Variants in TMTC1 observed in about 807,000 individuals in gnomAD.
The protein encoded by TMTC1 is protein O-mannosyl-transferase TMTC1.
In TMTC1, 73 loss-of-function variants were observed where a neutral mutation model predicts 104.8. The ratio of observed to expected loss-of-function variants is 0.70; its 90% CI spans 0.58 to 0.85. TMTC1 has a LOEUF of 0.85. Ranked by LOEUF, TMTC1 falls within the 40% of genes least tolerant of loss-of-function variation. The pLI is 0.00. For synonymous variants in TMTC1, 434 were observed against 428.7 expected (o/e 1.01, Z -0.15); for missense variants, 1,035 against 1,096.1 (o/e 0.94, Z 0.79).
intron 5 of TMTC1, chr12:29,666,228 C>CTTTTTTTTTTTTT: frequency 1.4e-5 from 5 of 365,804 alleles, no homozygotes; most frequent in East Asian, 8.1e-5. Flanking sequence ...TTTCTTTTTT[C>CTTTTTTTTTTTTT]TTTTTTTTTT....
At chr12:29,752,514 G>A (rs139599310) in intron 4 of TMTC1, among the ~76,000 whole-genome samples, 1 of 152,250 alleles carries the variant, frequency 6.6e-6, no homozygotes, top group Non-Finnish European at 1.5e-5. Flanking sequence ...CCATGGCTAC[G>A]CCTGAAAGAA....
At chr12:29,549,252 A>G (rs299470) in intron 10 of TMTC1, among the ~76,000 whole-genome samples, 80,758 of 151,380 alleles carry the variant, frequency 0.53, 24,670 homozygotes, top group Non-Finnish European at 0.67. Flanking sequence ...GATAAGACTA[A>G]AAAATTGTGC....
At chr12:29,613,933 A>T in intron 6 of TMTC1, 2 of 981,508 alleles carry the variant, frequency 2.0e-6, no homozygotes, top group Non-Finnish European at 1.2e-6. Flanking sequence ...TCATCTATCC[A>T]CTTGGAATTG....
chr12:29,534,541 C>T (rs1944589933), intron 11 of TMTC1: 1 of 152,170 alleles, frequency 6.6e-6, no homozygotes, highest in Admixed American at 6.5e-5. Context: ...CACTGCAGTT[C>T]ACAAAAGATT....
chr12:29,534,855 A>G (rs10771547), intron 11 of TMTC1: 28,948 of 152,110 alleles, frequency 0.19, 3,132 homozygotes, highest in East Asian at 0.38. Flanking sequence ...TAAATACTAT[A>G]GGGAAAGTAA....
chr12:29,774,873 G>C (rs1048454071), intron 1 of TMTC1, among the ~76,000 whole-genome samples: 2 of 152,200 alleles, frequency 1.3e-5, no homozygotes, highest in African/African-American at 4.8e-5. Context: ...CAACAGTCCA[G>C]AGGGGAGATT....
At chr12:29,733,342 C>T (rs924470463) in intron 5 of TMTC1, among the ~76,000 whole-genome samples, 1 of 151,982 alleles carries the variant, frequency 6.6e-6, no homozygotes, top group African/African-American at 2.4e-5. Flanking sequence ...TTCTCAGAAT[C>T]CTGAGGGGGT....
chr12:29,739,911 G>C (rs574370109), intron 5 of TMTC1, among the ~76,000 whole-genome samples: 86 of 152,042 alleles, frequency 5.7e-4, no homozygotes, highest in African/African-American at 2.0e-3. Context: ...GTTTCACCAC[G>C]TTGGCCAAGA....
intron 12 of TMTC1, 85 bp from the exon 13 acceptor site, chr12:29,518,692 T>A (rs1330727649): frequency 1.3e-6 from 2 of 1,499,240 alleles, no homozygotes; most frequent in Non-Finnish European, 1.8e-6. Flanking sequence ...TGACTTATAA[T>A]TCTTTCTCAT....
rs76835426 is a variant in TMTC1 at position 29,653,646 on chromosome 12, T to C, written c.939-20310A>G. Among the ~76,000 whole-genome samples the C allele has an allele frequency of 4.6e-3, 698 of 152,292 alleles. 38 individuals are homozygous for C. The East Asian group carries it at 0.12, about 26-fold the overall frequency. On this transcript the variant is annotated intron_variant, in intron 5 of 17. Coordinates refer to ENST00000539277, the MANE Select transcript of TMTC1 (RefSeq NM_001193451.2). ...TACACAATCTCAATGAATTACAGGT[T>C]GGAAAAGTTATTGGTCAGTCACAAA... is the stretch of plus-strand genomic sequence containing the variant.
At chr12:29,545,423 T>A (rs7132003) in intron 10 of TMTC1, among the ~76,000 whole-genome samples, 6,102 of 152,202 alleles carry the variant, frequency 0.04, 403 homozygotes, top group African/African-American at 0.14. Flanking sequence ...ACGGATCATT[T>A]GAGGTCAGGA....
At chr12:29,676,685 C>T (rs557024654) in intron 5 of TMTC1, among the ~76,000 whole-genome samples, 31 of 152,280 alleles carry the variant, frequency 2.0e-4, no homozygotes, top group African/African-American at 6.7e-4. Flanking sequence ...CGTGAGGACA[C>T]GGCAAATGGT....
intron 7 of TMTC1, among the ~76,000 whole-genome samples, chr12:29,587,486 C>G (rs1946169916): frequency 6.6e-6 from 1 of 151,942 alleles, no homozygotes; most frequent in Non-Finnish European, 1.5e-5. Context: ...GTGTTCACCA[C>G]TACACCCAAC....
At position 29,767,943 on chromosome 12, in the gene TMTC1, A is replaced by C. The variant is rs2120499140; in HGVS notation, c.435T>G (p.Phe145Leu). The stretch of plus-strand genomic sequence containing the variant: ...GTACAGCAAAAAGCAATGCCGTTAC[A>C]AAAGCAAGTCCACGATTCTTGAAGA... Reference protein sequence around the residue: ...KTVFKNRGLAFVTALLFAVHP... With the variant: ...KTVFKNRGLALVTALLFAVHP... Residue 145 changes from phenylalanine to leucine, a missense_variant, in exon 2 of 18, where the codon TTT becomes TTG. Coordinates refer to ENST00000539277, the MANE Select transcript of TMTC1 (RefSeq NM_001193451.2). 2 of 1,613,964 alleles carry C rather than the reference A, an allele frequency of 1.2e-6. No homozygotes were observed. The highest frequency in any genetic ancestry group is 4.5e-5 in the East Asian group (2 of 44,850).
chr12:29,695,539 T>C (rs1431840961), intron 5 of TMTC1, among the ~76,000 whole-genome samples: 1 of 151,736 alleles, frequency 6.6e-6, no homozygotes, highest in Non-Finnish European at 1.5e-5. Flanking sequence ...TCTCCTGACC[T>C]TGTGATCTGG....
At chr12:29,733,033 T>C (rs1942584632) in intron 5 of TMTC1, among the ~76,000 whole-genome samples, 1 of 152,208 alleles carries the variant, frequency 6.6e-6, no homozygotes, top group African/African-American at 2.4e-5. Context: ...AACGTGGACT[T>C]GGCTCAAGAA....
Position 29,783,922 on chromosome 12 carries a change from T to A in TMTC1, c.-171A>T. The A allele has an allele frequency of 1.9e-6, 1 of 523,838 alleles. No homozygotes were observed. Among genetic ancestry groups the A allele is most frequent in the South Asian group, 8.5e-5 (1 of 11,736 alleles). 32.4% of individuals were successfully genotyped at this position (523,838 alleles called of 1,614,324 possible). On this transcript the variant is annotated 5_prime_UTR_variant, in exon 1 of 18. Coordinates refer to ENST00000539277, the MANE Select transcript of TMTC1 (RefSeq NM_001193451.2). The surrounding 1 kb of genome is among the most constrained non-coding windows in gnomAD (Gnocchi z 4.7). ...CTCCGCCGCCGCCTGCGCCGCGGAGTTGGCCCAGCTGCAAATAAACAGCAG... is the reference window on the plus strand; with the variant it reads ...CTCCGCCGCCGCCTGCGCCGCGGAGATGGCCCAGCTGCAAATAAACAGCAG...
At chr12:29,604,374 C>G in intron 6 of TMTC1, 75 bp from the exon 7 acceptor site, 1 of 1,585,296 alleles carries the variant, frequency 6.3e-7, no homozygotes, top group Non-Finnish European at 8.6e-7. Context: ...CCATCTCCTT[C>G]ACTTTCAGGT....
intron 9 of TMTC1, among the ~76,000 whole-genome samples, chr12:29,565,584 C>T (rs1042413556): frequency 4.6e-5 from 7 of 152,162 alleles, no homozygotes; most frequent in East Asian, 3.9e-4. Context: ...GAGTGGCTCA[C>T]GCCTGTAACC....
Sources: gnomAD v4.1 joint callset for allele counts (sites outside exome capture counted in the v4.1 genomes callset) on GRCh38, gnomAD v4.1.1 for gene constraint, Gnocchi (gnomAD v3.1) non-coding constraint, MANE v1.5 for transcripts, NCBI Gene and HGNC (gene_info 2026-07-23, HGNC 2026-07-21) for gene names.